ATP7A: variants seen among roughly 807,000 people sequenced by gnomAD.
ATP7A encodes ATPase copper transporting alpha.
ATP7A carries 7 observed loss-of-function variants against 83.5 expected under a neutral mutation model. The observed-to-expected ratio is 0.08, with a 90% CI of 0.05 to 0.16. ATP7A has a LOEUF of 0.16. Ranked by LOEUF, ATP7A falls within the 10% of genes least tolerant of loss-of-function variation. The pLI, the probability that ATP7A is intolerant of heterozygous loss-of-function variation, is 1.00. For synonymous variants in ATP7A, 354 were observed against 395.2 expected (o/e 0.90, Z 1.24); for missense variants, 940 against 1,120.8 (o/e 0.84, Z 2.30).
chrX:78,041,784 A>G (rs2149111129), intron 19 of ATP7A, among the ~76,000 whole-genome samples: 1 of 110,852 alleles, frequency 9.0e-6, no homozygotes, highest in South Asian at 3.8e-4. Flanking sequence ...TGCTTTTTTT[A>G]CGTAACAGTA....
chrX:77,935,656 G>A (rs1218640700), intron 1 of ATP7A, among the ~76,000 whole-genome samples: 2 of 111,551 alleles, frequency 1.8e-5, no homozygotes, highest in East Asian at 2.8e-4. Context: ...TTCTAGGGTT[G>A]TATGATTTTA....
chrX:77,966,878 C>T (rs1364880235), intron 1 of ATP7A: 6 of 320,239 alleles, frequency 1.9e-5, no homozygotes, highest in Middle Eastern at 9.3e-4. Context: ...CATCTATTGA[C>T]CCATCCTTTA....
chrX:78,042,748 C>T lies in ATP7A; in HGVS notation c.3965C>T (p.Thr1322Ile). The change falls in exon 20 of 23, where the codon ACA (threonine) becomes ATA (isoleucine). Residue 1322 changes from threonine to isoleucine, a missense_variant. By Grantham distance (89) the Thr-to-Ile change is moderately conservative. Coordinates refer to ENST00000341514, the MANE Select transcript of ATP7A (RefSeq NM_000052.7). ...ANVGIAIGTG[T>I]DVAIEAADVV... is the part of the protein sequence containing the mutation. ...GTGGGAATTGCTATTGGCACAGGCA[C>T]AGATGTAGCCATTGAAGCAGCTGAT... 1 of 1,211,492 alleles carries T rather than the reference C, an allele frequency of 8.3e-7. No individual in the cohort carries two copies. Among genetic ancestry groups the T allele is most frequent in the South Asian group, 1.8e-5 (1 of 56,973 alleles).
intron 1 of ATP7A, among the ~76,000 whole-genome samples, chrX:77,931,745 A>G (rs1286852868): frequency 3.0e-5 from 3 of 98,903 alleles, no homozygotes; most frequent in South Asian, 5.0e-4. Flanking sequence ...CACCTCCCGG[A>G]CGGGGCGGCT....
intron 4 of ATP7A, 90 bp from the exon 5 acceptor site, chrX:77,998,388 A>G (rs2077717728): frequency 2.2e-6 from 2 of 892,486 alleles, no homozygotes; most frequent in South Asian, 2.0e-5. Flanking sequence ...ATAGATTGTC[A>G]GTGCCTGGAG....
intron 1 of ATP7A, among the ~76,000 whole-genome samples, chrX:77,926,407 T>G (rs1310981305): frequency 1.8e-5 from 2 of 111,827 alleles, no homozygotes; most frequent in African/African-American, 6.5e-5. Flanking sequence ...CTCAGCCCAC[T>G]GCAACCTCTG....
At position 78,010,570 on chromosome X, in the gene ATP7A, CTTTTTTTTTTTTTTT is replaced by C. The variant is rs5902761; in HGVS notation, c.1870-594_1870-580del. The stretch of plus-strand genomic sequence containing the variant: ...AATAATATGTTTAGTATGGTGCTAG[CTTTTTTTTTTTTTTT>C]TTTTTTTTTTTGGAGACAGAGTCTC... On this transcript the variant is annotated intron_variant, in intron 7 of 22. Coordinates refer to ENST00000341514, the MANE Select transcript of ATP7A (RefSeq NM_000052.7). Among the ~76,000 whole-genome samples, 3 of 51,589 alleles carry C rather than the reference CTTTTTTTTTTTTTTT, an allele frequency of 5.8e-5. No individual in the cohort carries two copies. In the East Asian group the frequency reaches 2.6e-3, roughly 44 times the overall value. 44.8% of individuals were successfully genotyped at this position (51,589 alleles called of 115,157 possible).
chrX:77,917,551 G>A (rs1340798501), intron 1 of ATP7A, among the ~76,000 whole-genome samples: 10 of 111,889 alleles, frequency 8.9e-5, no homozygotes, highest in Non-Finnish European at 1.9e-5. Context: ...GGAAAGGTTG[G>A]GAGAAATAAA....
intron 14 of ATP7A, among the ~76,000 whole-genome samples, chrX:78,023,635 C>G (rs1182631915): frequency 1.8e-5 from 2 of 110,753 alleles, no homozygotes; most frequent in Non-Finnish European, 3.8e-5. Context: ...GCCCTTTGCC[C>G]ACTTTTAAAT....
At position 78,011,644 on chromosome X, in the gene ATP7A, G is replaced by C. The variant is rs782037158; in HGVS notation, c.2142G>C (p.Leu714Phe). Residue 714 changes from leucine to phenylalanine, a missense_variant, in exon 9 of 23, where the codon TTG becomes TTC. Leu to Phe is a conservative substitution (Grantham distance 22). Coordinates refer to ENST00000341514, the MANE Select transcript of ATP7A (RefSeq NM_000052.7). ...TTCCAGGATTGTCTGTTATGAATTTGCTGTCCTTTTTATTGTGTGTACCTG... is the reference window on the plus strand; with the variant it reads ...TTCCAGGATTGTCTGTTATGAATTTCCTGTCCTTTTTATTGTGTGTACCTG... ...QILPGLSVMNLLSFLLCVPVQ... is the reference protein window; with the variant it reads ...QILPGLSVMNFLSFLLCVPVQ... 2 of 1,210,522 alleles carry C rather than the reference G, an allele frequency of 1.7e-6. No homozygotes were observed. The highest frequency in any genetic ancestry group is 2.2e-6 in the Non-Finnish European group (2 of 894,621).
At chrX:77,965,737 C>A (rs1236728575) in intron 1 of ATP7A, among the ~76,000 whole-genome samples, 1 of 112,054 alleles carries the variant, frequency 8.9e-6, no homozygotes, top group East Asian at 2.8e-4. Flanking sequence ...AAGATGGAAA[C>A]AACCCAAATG....
At position 78,047,423 on chromosome X, in the gene ATP7A, T is replaced by C. The variant is rs2078089902; in HGVS notation, c.*853T>C. 1 of 112,341 alleles carries C rather than the reference T, an allele frequency of 8.9e-6. No individual in the cohort carries two copies. The highest frequency in any genetic ancestry group is 3.7e-4 in the South Asian group (1 of 2,721). The allele number at this position is 112,341 out of a possible 1,213,427, so 9.3% of individuals were successfully genotyped here. On this transcript the variant is annotated 3_prime_UTR_variant, in exon 23 of 23. Transcript: ENST00000341514. ...CCTGCCAAGTTGGACTCTAAGTTAT[T>C]CTTCATGTAGTCTGCTGATCTCAGT...
chrX:78,014,726 C>T lies in ATP7A; in HGVS notation c.2471C>T (p.Thr824Ile). ...SLQATEATIV[T>I]LDSDNILLSE... Reference sequence around the variant, plus strand: ...CAAGCTACAGAAGCAACTATTGTAACTCTTGATTCTGATAATATCCTCCTC... The same window carrying T: ...CAAGCTACAGAAGCAACTATTGTAATTCTTGATTCTGATAATATCCTCCTC... The change falls in exon 11 of 23, where the codon ACT (threonine) becomes ATT (isoleucine). Residue 824 changes from threonine (T) to isoleucine (I), a missense_variant. Physicochemically the swap from Thr to Ile is moderately conservative, Grantham distance 89. Around this residue, in one of 3 missense-constraint regions of ATP7A, gnomAD observed 204 missense variants for 185.8 expected, o/e 1.10. Coordinates refer to ENST00000341514, the MANE Select transcript of ATP7A (RefSeq NM_000052.7). 8.3e-7 allele frequency: 1 copy of T among 1,203,597 alleles called. No individual in the cohort carries two copies. The highest frequency in any genetic ancestry group is 1.1e-6 in the Non-Finnish European group (1 of 888,840).
chrX:78,017,344 T>C (rs2077872153), intron 12 of ATP7A, among the ~76,000 whole-genome samples: 1 of 112,328 alleles, frequency 8.9e-6, no homozygotes. Context: ...AATCATTTTT[T>C]CTCCTAGGCC....
chrX:78,023,207 A>G (rs782194695), intron 14 of ATP7A, among the ~76,000 whole-genome samples: 2 of 112,078 alleles, frequency 1.8e-5, no homozygotes, highest in African/African-American at 6.5e-5. Flanking sequence ...CACCTGGGTG[A>G]CTCCATGTCT....
rs1557237056 is a variant in ATP7A, at chrX:78,031,452, T to G, written c.3164T>G (p.Val1055Gly). Residue 1055 changes from valine to glycine, a missense_variant, in exon 16 of 23, where the codon GTG (valine) becomes GGG (glycine). By Grantham distance (109) the Val-to-Gly change is moderately radical (BLOSUM62 -3). Coordinates refer to ENST00000341514, the MANE Select transcript of ATP7A (RefSeq NM_000052.7). ...KTGTITHGTP[V>G]VNQVKVLTES... ...GGAACCATTACTCACGGAACCCCAG[T>G]GGTGAATCAAGTAAAGGTTCTAACT... 1.7e-6 allele frequency: 2 copies of G among 1,209,466 alleles called. No individual in the cohort carries two copies. Among genetic ancestry groups the G allele is most frequent in the Non-Finnish European group, 2.2e-6 (2 of 894,555 alleles).
intron 2 of ATP7A, among the ~76,000 whole-genome samples, chrX:77,982,310 A>G (rs1235081424): frequency 8.9e-6 from 1 of 111,941 alleles, no homozygotes; most frequent in Non-Finnish European, 1.9e-5. Flanking sequence ...GTAAGCTTTA[A>G]ACTGTCTGAA....
At chrX:77,924,188 A>G (rs1430565646) in intron 1 of ATP7A, 1 of 112,035 alleles carries the variant, frequency 8.9e-6, no homozygotes, top group Non-Finnish European at 1.9e-5. Flanking sequence ...GCACAACCAC[A>G]GAAACGAGGA....
intron 1 of ATP7A, among the ~76,000 whole-genome samples, chrX:77,930,196 G>T (rs2077263840): frequency 9.0e-6 from 1 of 111,624 alleles, no homozygotes; most frequent in African/African-American, 3.3e-5. Context: ...CTGAAAATAA[G>T]GGAAATGTTT....
Sources: allele counts gnomAD v4.1 joint callset (sites outside exome capture counted in the v4.1 genomes callset), GRCh38; gene constraint gnomAD v4.1.1; regional missense constraint gnomAD v4.1.1; transcripts MANE v1.5; gene names NCBI Gene and HGNC (gene_info 2026-07-23, HGNC 2026-07-21).